UBE2Z: variants seen among roughly 807,000 people sequenced by gnomAD.
UBE2Z encodes ubiquitin-conjugating enzyme E2 Z.
A neutral mutation model predicts 32.6 loss-of-function variants in UBE2Z; 10 were observed. The ratio of observed to expected loss-of-function variants is 0.31; its 90% CI spans 0.19 to 0.52. The LOEUF (loss-of-function observed/expected upper bound fraction) is 0.52. UBE2Z is among the 20% of genes least tolerant of loss of function. The probability of loss-of-function intolerance (pLI) is 0.97; values close to 1 mark genes in which losing one functional copy is unlikely to be tolerated. For synonymous variants in UBE2Z, 183 were observed against 190.8 expected (o/e 0.96, Z 0.34); for missense variants, 343 against 480.9 (o/e 0.71, Z 2.68).
intron 6 of UBE2Z, among the ~76,000 whole-genome samples, chr17:48,924,179 A>G (rs539407470): frequency 6.6e-5 from 10 of 152,044 alleles, no homozygotes; most frequent in Non-Finnish European, 1.2e-4. Context: ...GTCCCACTCT[A>G]TTGCCCAGGC....
At chr17:48,913,420 T>A (rs192814320) in intron 3 of UBE2Z, among the ~76,000 whole-genome samples, 137 of 152,298 alleles carry the variant, frequency 9.0e-4, no homozygotes, top group Non-Finnish European at 3.5e-4. Flanking sequence ...AGTGGCACGA[T>A]CTTGGCTCAC....
At chr17:48,909,285 A>G (rs987354026) in intron 1 of UBE2Z, among the ~76,000 whole-genome samples, 1 of 148,656 alleles carries the variant, frequency 6.7e-6, no homozygotes, top group Non-Finnish European at 1.5e-5. Context: ...AGACGAACTC[A>G]GCTTCCTTTG....
chr17:48,926,919 C>G (rs780137876), intron 6 of UBE2Z, 45 bp from the exon 7 acceptor site: 1 of 1,579,590 alleles, frequency 6.3e-7, no homozygotes, highest in South Asian at 1.1e-5. Context: ...TAGGATCAGC[C>G]ACCCAGACTT....
At chr17:48,910,327 G>C (rs1385901741) in intron 1 of UBE2Z, 1 of 158,332 alleles carries the variant, frequency 6.3e-6, no homozygotes, top group African/African-American at 2.4e-5. Flanking sequence ...TGGCTGGCTT[G>C]CTTCATACAA....
At chr17:48,912,711 A>G in intron 2 of UBE2Z, 123 bp from the exon 3 acceptor site, 1 of 983,270 alleles carries the variant, frequency 1.0e-6, no homozygotes. Flanking sequence ...CATGGTGAGG[A>G]TATAGAACAT....
chr17:48,915,868 C>G lies in UBE2Z; in HGVS notation c.579-208C>G, dbSNP rs2040715212. ...GCTTGCTATTACCTGTTCTTTTGCC[C>G]CCCCCCCTTGATTTGAGGATTAGGC... On this transcript the variant is annotated intron_variant, in intron 3 of 6. Coordinates refer to ENST00000360943, the MANE Select transcript of UBE2Z (RefSeq NM_023079.5). 2 of 315,488 alleles carry G rather than the reference C, an allele frequency of 6.3e-6. 1 individual carries two copies. The highest frequency in any genetic ancestry group is 1.2e-5 in the Non-Finnish European group (2 of 173,354). 19.5% of individuals were successfully genotyped at this position (315,488 alleles called of 1,614,324 possible). A position where few individuals can be genotyped will look rare whatever the true frequency, so the allele number is the denominator to read the frequency against.
At chr17:48,909,677 G>A (rs2040661538) in intron 1 of UBE2Z, among the ~76,000 whole-genome samples, 1 of 151,858 alleles carries the variant, frequency 6.6e-6, no homozygotes, top group Non-Finnish European at 1.5e-5. Context: ...CTATCATTTA[G>A]TAGATGATGT....
At chr17:48,920,499 A>G (rs2040751780) in intron 4 of UBE2Z, among the ~76,000 whole-genome samples, 4 of 152,034 alleles carry the variant, frequency 2.6e-5, no homozygotes, top group African/African-American at 9.7e-5. Context: ...CAAAAAAACA[A>G]ATAAATAATA....
At chr17:48,923,090 G>GGCC (rs1310144236) in intron 6 of UBE2Z, 153 bp downstream of exon 6, 10 of 591,272 alleles carry the variant, frequency 1.7e-5, no homozygotes, top group African/African-American at 1.3e-4. Flanking sequence ...GGGAGGCCAA[G>GGCC]GCGGGCGGAT....
At chr17:48,915,905 T>A in intron 3 of UBE2Z, 171 bp from the exon 4 acceptor site, 2 of 334,544 alleles carry the variant, frequency 6.0e-6, no homozygotes, top group Non-Finnish European at 5.4e-6. Context: ...ATTGACTGAT[T>A]TCTGGTGAAA....
intron 4 of UBE2Z, among the ~76,000 whole-genome samples, chr17:48,919,939 C>A (rs1043607312): frequency 6.6e-6 from 1 of 152,062 alleles, no homozygotes; most frequent in Non-Finnish European, 1.5e-5. Context: ...CACCATCATT[C>A]TTTCTGTCTT....
rs2040803302 is a variant in UBE2Z at position 48,927,031 on chromosome 17, G to A, written c.962G>A (p.Arg321His). The A allele has an allele frequency of 6.2e-7, 1 of 1,613,752 alleles. No individual in the cohort carries two copies. Among genetic ancestry groups the A allele is most frequent in the Non-Finnish European group, 8.5e-7 (1 of 1,179,812 alleles). ...CTCTTGATGCGCCTGGGACTGATAC[G>A]TCAGAAAGTGCTGGAGAGGCTCCAT... ...QSLLMRLGLIRQKVLERLHNE... is the reference protein window; with the variant it reads ...QSLLMRLGLIHQKVLERLHNE... Residue 321 changes from arginine (R) to histidine (H), a missense_variant, in exon 7 of 7, where the codon CGT becomes CAT. Arg to His is a conservative substitution (Grantham distance 29, BLOSUM62 0). This residue lies in a region of UBE2Z where 182 missense variants were observed against 312.4 expected (regional missense o/e 0.58). Transcript: ENST00000360943.
chr17:48,926,000 T>C (rs1330105764), intron 6 of UBE2Z, among the ~76,000 whole-genome samples: 4 of 152,200 alleles, frequency 2.6e-5, no homozygotes, highest in Non-Finnish European at 4.4e-5. Flanking sequence ...TTAAACTCTT[T>C]TTTATACCAT....
rs35895407 is a variant in UBE2Z at position 48,926,474 on chromosome 17, C to CT, written c.895-472dup. Reference sequence around the variant, plus strand: ...CACCTATTTGGGGCGGTAAGAGTGTCTTTTTTTTTTTTTTTTTTGAGACCA... The same window carrying CT: ...CACCTATTTGGGGCGGTAAGAGTGTCTTTTTTTTTTTTTTTTTTTGAGACCA... On this transcript the variant is annotated intron_variant, in intron 6 of 6. Coordinates refer to ENST00000360943, the MANE Select transcript of UBE2Z (RefSeq NM_023079.5). Among the ~76,000 whole-genome samples, 543 of 137,174 alleles carry CT rather than the reference C, an allele frequency of 4.0e-3. 3 individuals are homozygous for CT. Among genetic ancestry groups the CT allele is most frequent in the Middle Eastern group, 0.014 (4 of 276 alleles). 90.0% of individuals were successfully genotyped at this position (137,174 alleles called of 152,430 possible).
chr17:48,916,110 A>T lies in UBE2Z; in HGVS notation c.613A>T (p.Ser205Cys). ...TGGACCTGCCTGGAGCCCAGCCCAG[A>T]GCATCTCCTCAGTGCTCATCTCTAT... ...WTGPAWSPAQ[S>C]ISSVLISIQS... The change falls in exon 4 of 7, where the codon AGC becomes TGC. Residue 205 changes from serine (S) to cysteine (C), a missense_variant. By Grantham distance (112) the Ser-to-Cys change is moderately radical. Coordinates refer to ENST00000360943, the MANE Select transcript of UBE2Z (RefSeq NM_023079.5). The T allele has an allele frequency of 6.3e-7, 1 of 1,590,522 alleles. No individual in the cohort carries two copies. The highest frequency in any genetic ancestry group is 8.5e-7 in the Non-Finnish European group (1 of 1,171,014).
At chr17:48,916,831 T>G (rs2040723919) in intron 4 of UBE2Z, among the ~76,000 whole-genome samples, 1 of 149,202 alleles carries the variant, frequency 6.7e-6, no homozygotes, top group South Asian at 2.1e-4. Flanking sequence ...TACTAAAAAT[T>G]AACTGGTCAG....
At chr17:48,915,445 G>A (rs1387736525) in intron 3 of UBE2Z, among the ~76,000 whole-genome samples, 2 of 152,164 alleles carry the variant, frequency 1.3e-5, no homozygotes, top group Non-Finnish European at 2.9e-5. Flanking sequence ...ATACTTGGTT[G>A]GGTTTATGAA....
chr17:48,921,351 G>A, intron 5 of UBE2Z, 79 bp downstream of exon 5: 1 of 1,039,098 alleles, frequency 9.6e-7, no homozygotes, highest in East Asian at 2.6e-5. Flanking sequence ...GTACAGTGTT[G>A]GGTACCAGAG....
Position 48,908,818 on chromosome 17 carries a change from G to A in UBE2Z, c.315G>A (p.Lys105=), listed in dbSNP as rs1054129537. 2.0e-6 allele frequency: 3 copies of A among 1,496,770 alleles called. No homozygotes were observed. The highest frequency in any genetic ancestry group is 2.7e-6 in the Non-Finnish European group (3 of 1,127,544). 92.7% of individuals were successfully genotyped at this position (1,496,770 alleles called of 1,614,324 possible). The change falls in exon 1 of 7, where the codon AAG becomes AAA. Residue 105 remains lysine, a splice_region_variant and synonymous_variant. Coordinates refer to ENST00000360943, the MANE Select transcript of UBE2Z (RefSeq NM_023079.5). ...CGCCGCAGTGTCTACTCCGGATCAA[G>A]CGGTGAGCCGGGGTTTTTCCTCCCC... ...RTAPQCLLRI[K]RDIMSIYKEP...
Sources: gnomAD v4.1 joint callset for allele counts (sites outside exome capture counted in the v4.1 genomes callset) on GRCh38, gnomAD v4.1.1 for gene constraint, gnomAD v4.1.1 regional missense constraint, MANE v1.5 for transcripts, NCBI Gene and HGNC (gene_info 2026-07-23, HGNC 2026-07-21) for gene names.